Variants in VWDE observed in about 807,000 individuals in gnomAD.
VWDE encodes von Willebrand factor D and EGF domain-containing protein.
In VWDE, 207 loss-of-function variants were observed where a neutral mutation model predicts 178.4. The ratio of observed to expected loss-of-function variants is 1.16; its 90% CI spans 1.04 to 1.30. The LOEUF (loss-of-function observed/expected upper bound fraction) is 1.30, where lower values mean the gene tolerates loss of function less well. VWDE is among the 50% of genes most tolerant of loss of function. VWDE has a pLI of 0.00. For missense variants in VWDE, 2,287 were observed against 1,901.3 expected (o/e 1.20, Z -3.77); for synonymous variants, 738 against 651.4 (o/e 1.13, Z -2.02).
rs1401595824 is a variant in VWDE, at chr7:12,403,684, C to A, written c.33G>T (p.Ala11=). Residue 11 remains alanine (A), a synonymous_variant, in exon 1 of 29, where the codon GCG becomes GCT. Coordinates refer to ENST00000275358, the MANE Select transcript of VWDE (RefSeq NM_001135924.3). MPGGACVLVI[A]LMFLAWGEAQ... ...CTTCCCCCCAGGCCAGGAACATCAG[C>A]GCGATCACCAGCACGCAGGCTCCGC... 3 of 1,548,180 alleles carry A rather than the reference C, an allele frequency of 1.9e-6. No homozygotes were observed. Among genetic ancestry groups the A allele is most frequent in the Non-Finnish European group, 1.7e-6 (2 of 1,146,486 alleles).
At chr7:12,382,759 T>C (rs1783917032) in intron 4 of VWDE, among the ~76,000 whole-genome samples, 1 of 151,882 alleles carries the variant, frequency 6.6e-6, no homozygotes. Flanking sequence ...GGCTAATATT[T>C]CAATAAATAA....
rs1232339131 is a variant in VWDE, at chr7:12,403,756, C to T, written c.-40G>A. 3 of 1,547,956 alleles carry T rather than the reference C, an allele frequency of 1.9e-6. No homozygotes were observed. The highest frequency in any genetic ancestry group is 2.7e-5 in the African/African-American group (2 of 72,980). On this transcript the variant is annotated 5_prime_UTR_variant, in exon 1 of 29. Coordinates refer to ENST00000275358, the MANE Select transcript of VWDE (RefSeq NM_001135924.3). ...GTGGGGCGAAAGGCGTCGCAGAGCCCGGGCCGCGGGTGCCAGGAGGATGGG... is the reference window on the plus strand; with the variant it reads ...GTGGGGCGAAAGGCGTCGCAGAGCCTGGGCCGCGGGTGCCAGGAGGATGGG...
At chr7:12,367,230 G>T in intron 13 of VWDE, 127 bp downstream of exon 13, 1 of 651,450 alleles carries the variant, frequency 1.5e-6, no homozygotes, top group Non-Finnish European at 2.3e-6. Context: ...TCATTTTCCT[G>T]TTCAGCTCTC....
At chr7:12,355,616 A>C (rs1049650235) in intron 18 of VWDE, among the ~76,000 whole-genome samples, 50 of 152,274 alleles carry the variant, frequency 3.3e-4, no homozygotes, top group African/African-American at 1.2e-3. Flanking sequence ...AAAGGTTGGC[A>C]GTCATATATT....
At position 12,366,905 on chromosome 7, in the gene VWDE, T is replaced by C. The variant is rs909621315; in HGVS notation, c.2898+452A>G. Among the ~76,000 whole-genome samples the C allele has an allele frequency of 2.4e-4, 36 of 152,102 alleles. 1 individual carries two copies. Among genetic ancestry groups the C allele is most frequent in the African/African-American group, 8.4e-4 (35 of 41,460 alleles). On this transcript the variant is annotated intron_variant, in intron 13 of 28. Transcript: ENST00000275358. ...CTGTGGCCTTTAGAAAGATAAATACTATTTTTTAAAGGTGAGTCTTTTCTG... is the reference window on the plus strand; with the variant it reads ...CTGTGGCCTTTAGAAAGATAAATACCATTTTTTAAAGGTGAGTCTTTTCTG...
At chr7:12,341,501 A>C (rs1345373378) in intron 23 of VWDE, among the ~76,000 whole-genome samples, 1 of 151,972 alleles carries the variant, frequency 6.6e-6, no homozygotes, top group Admixed American at 6.6e-5. Context: ...GCATGGTGGC[A>C]TGCTCCTGTA....
intron 19 of VWDE, among the ~76,000 whole-genome samples, chr7:12,346,711 G>A (rs945686113): frequency 4.6e-5 from 7 of 151,874 alleles, no homozygotes; most frequent in Non-Finnish European, 7.4e-5. Flanking sequence ...AATCTAACGG[G>A]TTTTAGAGTA....
intron 3 of VWDE, chr7:12,388,678 T>G (rs1231561015): frequency 4.0e-6 from 1 of 250,988 alleles, no homozygotes; most frequent in Non-Finnish European, 8.1e-6. Context: ...AGAGATCTCA[T>G]TTATCTTGCT....
chr7:12,348,989 C>G (rs1781770295), intron 19 of VWDE, among the ~76,000 whole-genome samples: 1 of 152,012 alleles, frequency 6.6e-6, no homozygotes, highest in Admixed American at 6.6e-5. Context: ...AAAAACCAAA[C>G]ACCACATATT....
chr7:12,402,998 A>T (rs1291949231), intron 1 of VWDE, among the ~76,000 whole-genome samples: 1 of 152,212 alleles, frequency 6.6e-6, no homozygotes, highest in Non-Finnish European at 1.5e-5. Flanking sequence ...CACAAAAAAC[A>T]AGCAAAAAGG....
intron 19 of VWDE, among the ~76,000 whole-genome samples, chr7:12,350,381 C>T (rs1468425509): frequency 1.3e-5 from 2 of 151,844 alleles, no homozygotes; most frequent in Non-Finnish European, 2.9e-5. Flanking sequence ...TTGTTAACTA[C>T]AATTATAGCA....
At chr7:12,356,024 T>C (rs953335715) in intron 18 of VWDE, 87 bp downstream of exon 18, 42 of 1,005,528 alleles carry the variant, frequency 4.2e-5, no homozygotes, top group Non-Finnish European at 5.4e-5. Context: ...CTAAAATCTT[T>C]AGGACCACAC....
intron 27 of VWDE, among the ~76,000 whole-genome samples, chr7:12,334,173 T>C (rs1780886004): frequency 6.6e-6 from 1 of 151,684 alleles, no homozygotes; most frequent in Admixed American, 6.6e-5. Context: ...AAAATACTTA[T>C]AATACTTAAT....
intron 1 of VWDE, among the ~76,000 whole-genome samples, chr7:12,396,849 C>T (rs1306079528): frequency 6.6e-6 from 1 of 152,020 alleles, no homozygotes; most frequent in African/African-American, 2.4e-5. Context: ...GCAGGAGAAT[C>T]ACTTGAACCC....
Position 12,403,858 on chromosome 7 carries a change from C to T in VWDE, c.-142G>A. 2.3e-6 allele frequency: 2 copies of T among 870,892 alleles called. No individual in the cohort carries two copies. The highest frequency in any genetic ancestry group is 3.6e-4 in the Middle Eastern group (1 of 2,776). The allele number at this position is 870,892 out of a possible 1,614,324, so 53.9% of individuals were successfully genotyped here. On this transcript the variant is annotated 5_prime_UTR_variant, in exon 1 of 29. Transcript: ENST00000275358. ...GCTTGGAACAGGGAAGCTCCGCGTC[C>T]TCGTTCTGGGGTGCACCCAGTCCTT...
chr7:12,370,564 C>A (rs1191206769), intron 11 of VWDE, 55 bp from the exon 12 acceptor site: 4 of 1,527,874 alleles, frequency 2.6e-6, no homozygotes, highest in Non-Finnish European at 3.5e-6. Flanking sequence ...CATTTGTTTC[C>A]TAATATGTGT....
chr7:12,379,744 T>C (rs1199584970), intron 5 of VWDE, among the ~76,000 whole-genome samples, 178 bp from the exon 6 acceptor site: 2 of 152,142 alleles, frequency 1.3e-5, no homozygotes, highest in Non-Finnish European at 2.9e-5. Flanking sequence ...TTATAAAATA[T>C]GACGTATTCA....
intron 18 of VWDE, 46 bp from the exon 19 acceptor site, chr7:12,351,759 C>A: frequency 2.0e-6 from 3 of 1,466,050 alleles, no homozygotes; most frequent in Non-Finnish European, 9.1e-7. Flanking sequence ...AACTATTAGA[C>A]AACCAAAGCA....
intron 2 of VWDE, among the ~76,000 whole-genome samples, chr7:12,390,924 A>G (rs1024932223): frequency 3.9e-5 from 6 of 152,168 alleles, no homozygotes; most frequent in African/African-American, 1.4e-4. Flanking sequence ...TAAAACAATA[A>G]TTACATGTAC....
Sources: allele counts gnomAD v4.1 joint callset (sites outside exome capture counted in the v4.1 genomes callset), GRCh38; gene constraint gnomAD v4.1.1; transcripts MANE v1.5; gene names NCBI Gene and HGNC (gene_info 2026-07-23, HGNC 2026-07-21).